Variants in KIAA0513 observed in about 807,000 individuals in gnomAD.
The protein encoded by KIAA0513 is uncharacterized protein KIAA0513.
A neutral mutation model predicts 56.5 loss-of-function variants in KIAA0513; 39 were observed. The observed-to-expected ratio is 0.69, with a 90% confidence interval of 0.53 to 0.90. KIAA0513 has a LOEUF of 0.90. Among genes scored for constraint, KIAA0513 ranks in the 40% least tolerant of loss-of-function variants. The pLI, the probability that KIAA0513 is intolerant of heterozygous loss-of-function variation, is 0.00. For missense variants in KIAA0513, 591 were observed against 535.2 expected (o/e 1.10, Z -1.03); for synonymous variants, 268 against 215.6 (o/e 1.24, Z -2.13).
chr16:85,058,626 T>A (rs1309467084), intron 1 of KIAA0513, among the ~76,000 whole-genome samples: 2 of 147,070 alleles, frequency 1.4e-5, no homozygotes, highest in African/African-American at 2.5e-5. Flanking sequence ...CGCTCCAGCC[T>A]GGGCAACAAG....
In KIAA0513 at chr16:85,050,325, A is replaced by ATATT. The variant is rs72102302; in HGVS notation, c.-172-16541_-172-16538dup. ...CCTACTCTGGAGGAGCTGTTGATTG[A>ATATT]TATTTATTTATTTATTTATTTATTT... is the stretch of plus-strand genomic sequence containing the variant. On this transcript the variant is annotated intron_variant, in intron 1 of 12. Transcript: ENST00000683363. 5.7e-5 allele frequency among the ~76,000 whole-genome samples: 7 copies of ATATT among 122,920 alleles called. No homozygotes were observed. In the East Asian group the frequency reaches 8.7e-4, roughly 15 times the overall value. 80.6% of individuals were successfully genotyped at this position (122,920 alleles called of 152,430 possible).
In KIAA0513 at chr16:85,067,118, C is replaced by T; in HGVS notation, c.47C>T (p.Pro16Leu). The change falls in exon 2 of 13, where the codon CCT becomes CTT. Residue 16 changes from proline to leucine, a missense_variant. Transcript: ENST00000683363. ...GTGGGCTCGCTAATCGACTTTGGGC[C>T]TGAGGCACCCACCTCTTCTCCCCTG... Reference protein sequence around the residue: ...VPVGSLIDFGPEAPTSSPLEA... With the variant: ...VPVGSLIDFGLEAPTSSPLEA... 6.2e-7 allele frequency: 1 copy of T among 1,611,120 alleles called. No individual in the cohort carries two copies. Among genetic ancestry groups the T allele is most frequent in the Non-Finnish European group, 8.5e-7 (1 of 1,178,156 alleles).
Position 85,089,534 on chromosome 16 carries a change from A to T in KIAA0513, c.*1209A>T, listed in dbSNP as rs1256214330. On this transcript the variant is annotated 3_prime_UTR_variant, in exon 13 of 13. Coordinates refer to ENST00000683363, the MANE Select transcript of KIAA0513 (RefSeq NM_001388359.1). The surrounding 1 kb of genome is among the most constrained non-coding windows in gnomAD (Gnocchi z 4.2). ...CCCAACACCTGCATGCTGGGTCCAG[A>T]GCCTTCTGTTTCACCGTGCGTGGAC... 1 of 152,492 alleles carries T rather than the reference A, an allele frequency of 6.6e-6. No homozygotes were observed. Among genetic ancestry groups the T allele is most frequent in the Non-Finnish European group, 1.5e-5 (1 of 68,252 alleles). 9.4% of individuals were successfully genotyped at this position (152,492 alleles called of 1,614,324 possible).
At chr16:85,057,029 C>A (rs1259692324) in intron 1 of KIAA0513, among the ~76,000 whole-genome samples, 1 of 152,202 alleles carries the variant, frequency 6.6e-6, no homozygotes, top group African/African-American at 2.4e-5. Context: ...ATTTTTCCTA[C>A]TGGGTGTACA....
At chr16:85,060,910 T>C (rs1012615947) in intron 1 of KIAA0513, among the ~76,000 whole-genome samples, 2 of 151,430 alleles carry the variant, frequency 1.3e-5, no homozygotes, top group African/African-American at 4.9e-5. Flanking sequence ...TCCTAGCACT[T>C]TGGGAGTCAG....
rs975621650 is a variant in KIAA0513 at position 85,077,573 on chromosome 16, C to T, written c.723C>T (p.Val241=). 2 of 1,614,100 alleles carry T rather than the reference C, an allele frequency of 1.2e-6. No homozygotes were observed. Among genetic ancestry groups the T allele is most frequent in the South Asian group, 2.2e-5 (2 of 91,070 alleles). Residue 241 remains valine, a synonymous_variant, in exon 6 of 13, where the codon GTC becomes GTT. Transcript: ENST00000683363. The part of the protein sequence containing the change: ...LKNTSARTEN[V]KGFFGGLETK... ...ACACCTCGGCCAGGACTGAGAATGT[C>T]AAGGGCTTCTTCGGGGGGCTGGAGA...
At chr16:85,075,046 CAA>C (rs1228946021) in intron 4 of KIAA0513, among the ~76,000 whole-genome samples, 1 of 152,054 alleles carries the variant, frequency 6.6e-6, no homozygotes, top group African/African-American at 2.4e-5. Context: ...GTTGCAAAAA[CAA>C]AGTGAAACAA....
At position 85,066,920 on chromosome 16, in the gene KIAA0513, C is replaced by G. The variant is rs1189787724; in HGVS notation, c.-152C>G. The G allele has an allele frequency of 1.9e-5, 11 of 573,938 alleles. No homozygotes were observed. In the East Asian group the frequency reaches 2.7e-4, roughly 14 times the overall value. 35.6% of individuals were successfully genotyped at this position (573,938 alleles called of 1,614,324 possible). ...TCTAGATGCCGTAGGGCCAGGTGAG[C>G]TGCTGTGAAGGACTCATTCTTGGTA... is the stretch of plus-strand genomic sequence containing the variant. On this transcript the variant is annotated 5_prime_UTR_variant, in exon 2 of 13. Transcript: ENST00000683363.
In KIAA0513 at chr16:85,081,914, C is replaced by A. The variant is rs1035512847; in HGVS notation, c.980+522C>A. On this transcript the variant is annotated intron_variant, in intron 9 of 12. Transcript: ENST00000683363. This position sits in a 1 kb window ranked among gnomAD's most constrained non-coding sequence, Gnocchi z 4.4. ...AGAGGGGAGGGGCTGGCACCCACCCCACGGGGGCCGATGCCATAGCAAGCA... is the reference window on the plus strand; with the variant it reads ...AGAGGGGAGGGGCTGGCACCCACCCAACGGGGGCCGATGCCATAGCAAGCA... Among the ~76,000 whole-genome samples the A allele has an allele frequency of 6.6e-6, 1 of 152,248 alleles. No homozygotes were observed. Among genetic ancestry groups the A allele is most frequent in the African/African-American group, 2.4e-5 (1 of 41,468 alleles).
At chr16:85,083,418 G>A (rs1177961322) in intron 10 of KIAA0513, among the ~76,000 whole-genome samples, 1 of 152,178 alleles carries the variant, frequency 6.6e-6, no homozygotes, top group Non-Finnish European at 1.5e-5. Flanking sequence ...TGTTTCTTAT[G>A]CAGACTTACG....
intron 1 of KIAA0513, among the ~76,000 whole-genome samples, chr16:85,059,712 G>T (rs921615504): frequency 6.6e-6 from 1 of 152,184 alleles, no homozygotes; most frequent in African/African-American, 2.4e-5. Context: ...TCTGATAATA[G>T]GGTCATTGAT....
rs552338722 is a variant in KIAA0513, at chr16:85,066,570, A to G, written c.-172-330A>G. On this transcript the variant is annotated intron_variant, in intron 1 of 12. Transcript: ENST00000683363. ...GCGGGCAGGTGGATTGTCCCTGGTG[A>G]TCCTCCGTTTCCAGCCCAGGATGGG... Among the ~76,000 whole-genome samples the G allele has an allele frequency of 1.1e-4, 16 of 152,194 alleles. No individual in the cohort carries two copies. The South Asian group carries it at 3.1e-3, about 30-fold the overall frequency.
intron 1 of KIAA0513, among the ~76,000 whole-genome samples, chr16:85,045,463 C>A (rs528535978): frequency 1.2e-4 from 19 of 152,338 alleles, no homozygotes; most frequent in African/African-American, 4.6e-4. Flanking sequence ...TCAAGTGATT[C>A]TCCTGCCTCA....
intron 1 of KIAA0513, among the ~76,000 whole-genome samples, chr16:85,050,012 T>A (rs1437743987): frequency 6.6e-6 from 1 of 152,224 alleles, no homozygotes. Context: ...TGTGTCCTTT[T>A]GTGAAAGAAG....
chr16:85,056,234 C>G (rs1448833414), intron 1 of KIAA0513, among the ~76,000 whole-genome samples: 1 of 152,222 alleles, frequency 6.6e-6, no homozygotes, highest in East Asian at 1.9e-4. Context: ...GCCATAGGAG[C>G]CATGCCTTCC....
chr16:85,049,500 T>A (rs2073218409), intron 1 of KIAA0513, among the ~76,000 whole-genome samples: 1 of 152,226 alleles, frequency 6.6e-6, no homozygotes, highest in South Asian at 2.1e-4. Flanking sequence ...CGGGGGCGAA[T>A]TTCTCATGAA....
At chr16:85,070,168 C>G (rs2073551264) in intron 2 of KIAA0513, among the ~76,000 whole-genome samples, 1 of 127,056 alleles carries the variant, frequency 7.9e-6, no homozygotes, top group Non-Finnish European at 1.6e-5. Context: ...GAGACCCTGT[C>G]TCAAAAAAAA....
intron 1 of KIAA0513, 39 bp from the exon 2 acceptor site, chr16:85,066,861 G>A (rs2073489265): frequency 2.1e-6 from 1 of 481,444 alleles, no homozygotes. Context: ...ATTCTGGTGA[G>A]GAGTGGCGCT....
intron 1 of KIAA0513, among the ~76,000 whole-genome samples, chr16:85,034,388 A>T (rs2073007188): frequency 6.6e-6 from 1 of 152,142 alleles, no homozygotes; most frequent in Non-Finnish European, 1.5e-5. Context: ...CTCAATAAAC[A>T]GCGACAACAA....
Sources: gnomAD v4.1 joint callset for allele counts (sites outside exome capture counted in the v4.1 genomes callset) on GRCh38, gnomAD v4.1.1 for gene constraint, Gnocchi (gnomAD v3.1) non-coding constraint, MANE v1.5 for transcripts, NCBI Gene and HGNC (gene_info 2026-07-23, HGNC 2026-07-21) for gene names.